NTM: variants seen among roughly 807,000 people sequenced by gnomAD.
NTM encodes IgLON family member 2.
A neutral mutation model predicts 42.1 loss-of-function variants in NTM; 13 were observed. The observed-to-expected ratio is 0.31, with a 90% CI of 0.20 to 0.49. The LOEUF is 0.49. NTM is among the 20% of genes least tolerant of loss of function. NTM has a pLI of 0.99. For synonymous variants in NTM, 187 were observed against 179.2 expected (o/e 1.04, Z -0.35); for missense variants, 373 against 452.8 (o/e 0.82, Z 1.60).
intron 1 of NTM, among the ~76,000 whole-genome samples, chr11:131,805,960 G>T (rs2092458459): frequency 6.6e-6 from 1 of 152,162 alleles, no homozygotes; most frequent in South Asian, 2.1e-4. Flanking sequence ...TCACGCTTTT[G>T]ATAAGGAATA....
chr11:132,260,725 G>C, intron 4 of NTM, among the ~76,000 whole-genome samples: 1 of 152,176 alleles, frequency 6.6e-6, no homozygotes. Context: ...TACATCAAAA[G>C]AGGGTCACCA....
chr11:131,595,465 T>G (rs946544787), intron 1 of NTM, among the ~76,000 whole-genome samples: 2 of 152,238 alleles, frequency 1.3e-5, no homozygotes, highest in Admixed American at 1.3e-4. Flanking sequence ...AAGGACTGAC[T>G]CCTGGTGGAG....
chr11:131,530,785 G>A (rs2051153528), intron 1 of NTM, among the ~76,000 whole-genome samples: 1 of 152,226 alleles, frequency 6.6e-6, no homozygotes. Context: ...AAATGCTAAA[G>A]GGAGCAAATG....
intron 2 of NTM, among the ~76,000 whole-genome samples, chr11:131,967,185 G>A (rs1032840261): frequency 1.8e-4 from 27 of 152,304 alleles, no homozygotes; most frequent in African/African-American, 5.5e-4. Flanking sequence ...GAAGAGTGAT[G>A]TCTTGTAGGA....
Position 132,002,351 on chromosome 11 carries a change from T to C in NTM, c.167+90703T>C, listed in dbSNP as rs575271406. Among the ~76,000 whole-genome samples the C allele has an allele frequency of 2.0e-5, 3 of 152,304 alleles. No homozygotes were observed. In the South Asian group the frequency reaches 6.2e-4, roughly 32 times the overall value. On this transcript the variant is annotated intron_variant, in intron 2 of 8. Transcript: ENST00000683400. This position sits in a 1 kb window ranked among gnomAD's most constrained non-coding sequence, Gnocchi z 4.5. ...TATGCTGGTGTATCATATATTTTAA[T>C]AAGAATTCAGAAATGGGAGTTTTCT... is the stretch of plus-strand genomic sequence containing the variant.
At chr11:131,457,201 G>A (rs1950973765) in intron 1 of NTM, among the ~76,000 whole-genome samples, 1 of 152,174 alleles carries the variant, frequency 6.6e-6, no homozygotes, top group African/African-American at 2.4e-5. Flanking sequence ...CATATAACAT[G>A]AAGAAAAACA....
intron 1 of NTM, among the ~76,000 whole-genome samples, chr11:131,849,321 C>T (rs143747190): frequency 0.011 from 1,665 of 152,218 alleles, 29 homozygotes; most frequent in African/African-American, 0.037. Context: ...TTGATTGGCT[C>T]ATGATTCTGC....
intron 1 of NTM, among the ~76,000 whole-genome samples, chr11:131,404,170 C>T (rs1181839156): frequency 6.6e-6 from 1 of 152,168 alleles, no homozygotes; most frequent in Non-Finnish European, 1.5e-5. Context: ...GTACAGTCTT[C>T]ACTTTTTCAG....
At chr11:131,430,052 A>T (rs1429634266) in intron 1 of NTM, among the ~76,000 whole-genome samples, 1 of 152,164 alleles carries the variant, frequency 6.6e-6, no homozygotes, top group African/African-American at 2.4e-5. Flanking sequence ...GCCTTTACTC[A>T]TTCATTAAAT....
chr11:132,209,459 G>A (rs1001917196), intron 3 of NTM, among the ~76,000 whole-genome samples: 1 of 152,224 alleles, frequency 6.6e-6, no homozygotes, highest in Admixed American at 6.5e-5. Context: ...CCTATCTGAA[G>A]CTCAATGAGG....
intron 1 of NTM, among the ~76,000 whole-genome samples, chr11:131,484,577 T>G (rs956993): frequency 0.46 from 69,767 of 151,896 alleles, 16,805 homozygotes; most frequent in East Asian, 0.66. Flanking sequence ...GGCCCTTCCT[T>G]AGTCATCAGA....
At chr11:131,422,627 G>A (rs1947657282) in intron 1 of NTM, among the ~76,000 whole-genome samples, 1 of 152,160 alleles carries the variant, frequency 6.6e-6, no homozygotes, top group Non-Finnish European at 1.5e-5. Context: ...CAGAACCTGA[G>A]CACTTCTAGA....
At chr11:132,161,652 C>G (rs1373284514) in intron 3 of NTM, among the ~76,000 whole-genome samples, 1 of 152,030 alleles carries the variant, frequency 6.6e-6, no homozygotes, top group Non-Finnish European at 1.5e-5. Context: ...CTCTCCTCTT[C>G]CCCTGGCGCC....
At chr11:131,869,336 G>A (rs966114625) in intron 1 of NTM, among the ~76,000 whole-genome samples, 1 of 152,142 alleles carries the variant, frequency 6.6e-6, no homozygotes, top group Non-Finnish European at 1.5e-5. Context: ...AGTCCTTTCC[G>A]GCCCTGCCAG....
At position 131,769,670 on chromosome 11, in the gene NTM, C is replaced by G. The variant is rs971803824; in HGVS notation, c.83-141894C>G. The G allele has an allele frequency of 1.2e-5, 8 of 680,906 alleles. No individual in the cohort carries two copies. In the South Asian group the frequency reaches 5.2e-4, roughly 44 times the overall value. The allele number at this position is 680,906 out of a possible 1,614,324, so 42.2% of individuals were successfully genotyped here. A position where few individuals can be genotyped will look rare whatever the true frequency, so the allele number is the denominator to read the frequency against. On this transcript the variant is annotated intron_variant, in intron 1 of 8. Transcript: ENST00000683400. The stretch of plus-strand genomic sequence containing the variant: ...AGCTCGCTTTTACAGACGAGGCAAC[C>G]GGGAGATTCAGAGCATTGGTGAGAA...
At chr11:132,183,853 T>C (rs1335676381) in intron 3 of NTM, among the ~76,000 whole-genome samples, 3 of 151,930 alleles carry the variant, frequency 2.0e-5, no homozygotes, top group African/African-American at 7.2e-5. Context: ...TGTTTTAGAA[T>C]ACCTTGCTGG....
chr11:131,500,541 TTATATATATA>T (rs200145436), intron 1 of NTM, among the ~76,000 whole-genome samples: 24 of 65,150 alleles, frequency 3.7e-4, no homozygotes, highest in African/African-American at 1.4e-3. Context: ...TAGTTATTTA[TTATATATATA>T]TATATATATA....
intron 1 of NTM, among the ~76,000 whole-genome samples, chr11:131,733,443 TTTCC>T (rs762313495): frequency 7.7e-5 from 11 of 142,762 alleles, no homozygotes; most frequent in Admixed American, 3.4e-4. Flanking sequence ...TAAAATGTCT[TTTCC>T]TTCCTTCCTT....
At chr11:131,390,306 G>A (rs1418941302) in intron 1 of NTM, among the ~76,000 whole-genome samples, 2 of 152,096 alleles carry the variant, frequency 1.3e-5, no homozygotes, top group African/African-American at 4.8e-5. Context: ...CCATTCATGA[G>A]GGATCTGCCC....
Sources: allele counts gnomAD v4.1 joint callset (sites outside exome capture counted in the v4.1 genomes callset), GRCh38; gene constraint gnomAD v4.1.1; non-coding constraint Gnocchi (gnomAD v3.1); transcripts MANE v1.5; gene names NCBI Gene and HGNC (gene_info 2026-07-23, HGNC 2026-07-21).